JHY: variants seen among roughly 807,000 people sequenced by gnomAD.
JHY encodes junctional cadherin complex regulator, also known as jhy protein homolog.
JHY carries 69 observed loss-of-function variants against 78.0 expected under a neutral mutation model. That is an observed-to-expected ratio of 0.88 (90% CI 0.73 to 1.08). The LOEUF (loss-of-function observed/expected upper bound fraction) is 1.08. JHY is among the 50% of genes least tolerant of loss of function. The probability of loss-of-function intolerance (pLI) is 0.00; values close to 1 mark genes in which losing one functional copy is unlikely to be tolerated. For synonymous variants in JHY, 368 were observed against 342.6 expected (o/e 1.07, Z -0.82); for missense variants, 944 against 927.8 (o/e 1.02, Z -0.23).
rs1403977019 is a variant in JHY, at chr11:122,904,006, G to A, written c.426G>A (p.Leu142=). The A allele has an allele frequency of 6.2e-7, 1 of 1,614,046 alleles. No individual in the cohort carries two copies. The highest frequency in any genetic ancestry group is 8.5e-7 in the Non-Finnish European group (1 of 1,180,018). ...WKSKKEEGQL[L]SVEALPESTD... is the part of the protein sequence containing the mutation. The stretch of plus-strand genomic sequence containing the variant: ...GTAAGAAGGAGGAAGGGCAGCTGCT[G>A]TCTGTGGAAGCGTTGCCGGAGTCCA... Residue 142 remains leucine, a synonymous_variant, in exon 3 of 9, where the codon CTG becomes CTA. Transcript: ENST00000227349.
Position 122,946,646 on chromosome 11 carries a change from C to T in JHY, c.1783C>T (p.Pro595Ser), listed in dbSNP as rs949802115. 5.6e-6 allele frequency: 9 copies of T among 1,614,058 alleles called. No individual in the cohort carries two copies. The highest frequency in any genetic ancestry group is 6.8e-6 in the Non-Finnish European group (8 of 1,180,006). ...GGCCTTATCCAGCGTCACGCTTCCA[C>T]CTATACTGTCAAGGGTAGAAAGTGA... The part of the protein sequence containing the change: ...EGALSSVTLP[P>S]ILSRVESESQ... Residue 595 changes from proline to serine, a missense_variant, in exon 6 of 9, where the codon CCT (proline) becomes TCT (serine). Physicochemically the swap from Pro to Ser is moderately conservative, Grantham distance 74. Coordinates refer to ENST00000227349, the MANE Select transcript of JHY (RefSeq NM_024806.4).
At chr11:122,897,880 A>C (rs1003022187) in intron 2 of JHY, among the ~76,000 whole-genome samples, 3 of 152,198 alleles carry the variant, frequency 2.0e-5, no homozygotes, top group Admixed American at 6.5e-5. Flanking sequence ...ATTTCCTTAA[A>C]CTGAAGACTA....
rs1383217407 is a variant in JHY, at chr11:122,961,358, G to T, written c.*1913G>T. Among the ~76,000 whole-genome samples, 1 of 151,326 alleles carries T rather than the reference G, an allele frequency of 6.6e-6. No individual in the cohort carries two copies. The highest frequency in any genetic ancestry group is 6.6e-5 in the Admixed American group (1 of 15,152). ...TGTTGTTGTTTTTAGACAGACTCTC[G>T]CTCTGTCACCCAGGCTGGAGTGCAG... On this transcript the variant is annotated 3_prime_UTR_variant, in exon 9 of 9. Coordinates refer to ENST00000227349, the MANE Select transcript of JHY (RefSeq NM_024806.4).
chr11:122,905,556 G>A, intron 3 of JHY: 1 of 1,059,998 alleles, frequency 9.4e-7, no homozygotes, highest in Non-Finnish European at 1.1e-6. Context: ...TTTCTTCAGA[G>A]ACTCCCTTTT....
intron 2 of JHY, among the ~76,000 whole-genome samples, chr11:122,887,692 G>C (rs531579649): frequency 6.6e-6 from 1 of 152,060 alleles, no homozygotes; most frequent in Admixed American, 6.5e-5. Flanking sequence ...AACTTGGACA[G>C]GGTCTTGAAA....
At chr11:122,957,314 A>C in intron 7 of JHY, 49 bp from the exon 8 acceptor site, 1 of 1,490,450 alleles carries the variant, frequency 6.7e-7, no homozygotes, top group Non-Finnish European at 8.8e-7. Context: ...TAGAGAGCAG[A>C]GAGAACTAGC....
rs775966633 is a variant in JHY at position 122,934,942 on chromosome 11, A to G, written c.1501A>G (p.Lys501Glu). Residue 501 changes from lysine to glutamate, a missense_variant, in exon 5 of 9, where the codon AAG becomes GAG. By Grantham distance (56) the Lys-to-Glu change is moderately conservative. Transcript: ENST00000227349. ...MDLNNLNELS[K>E]RHVLLSQKGS... ...TTTGAACAACCTTAATGAACTTTCT[A>G]AGAGACACGTGCTCCTGAGCCAGAA... is the stretch of plus-strand genomic sequence containing the variant. The G allele has an allele frequency of 2.2e-5, 36 of 1,614,046 alleles. No individual in the cohort carries two copies. In the Middle Eastern group the frequency reaches 4.9e-4, roughly 22 times the overall value.
intron 4 of JHY, among the ~76,000 whole-genome samples, chr11:122,931,028 A>G (rs1437499133): frequency 6.6e-6 from 1 of 152,128 alleles, no homozygotes; most frequent in African/African-American, 2.4e-5. Flanking sequence ...GAGGGGGGGA[A>G]TGAGCTTCCT....
intron 5 of JHY, among the ~76,000 whole-genome samples, chr11:122,939,672 C>G (rs1335018911): frequency 6.6e-6 from 1 of 152,124 alleles, no homozygotes; most frequent in African/African-American, 2.4e-5. Flanking sequence ...CTAGTAAAAA[C>G]TTGGGGGAAA....
Position 122,886,051 on chromosome 11 carries a change from G to A in JHY, c.202G>A (p.Gly68Ser), listed in dbSNP as rs752861814. 18 of 1,613,978 alleles carry A rather than the reference G, an allele frequency of 1.1e-5. No homozygotes were observed. The East Asian group carries it at 1.8e-4, about 16-fold the overall frequency. The change falls in exon 2 of 9, where the codon GGT (glycine) becomes AGT (serine). Residue 68 changes from glycine (G) to serine (S), a missense_variant. Gly to Ser is a moderately conservative substitution (Grantham distance 56). Coordinates refer to ENST00000227349, the MANE Select transcript of JHY (RefSeq NM_024806.4). ...SEFDDRIRGNGMEPDSLDEEE... is the reference protein window; with the variant it reads ...SEFDDRIRGNSMEPDSLDEEE... The stretch of plus-strand genomic sequence containing the variant: ...GTTTGATGATCGAATCCGGGGCAAC[G>A]GTATGGAGCCCGACAGCTTAGACGA...
chr11:122,963,789 C>T lies in JHY; in HGVS notation c.*4344C>T, dbSNP rs1034567872. On this transcript the variant is annotated 3_prime_UTR_variant, in exon 9 of 9. Transcript: ENST00000227349. Reference sequence around the variant, plus strand: ...CCTGTATTTGACTAGATGTTATATACATGCCATTGAAAGACATAGTACCTA... The same window carrying T: ...CCTGTATTTGACTAGATGTTATATATATGCCATTGAAAGACATAGTACCTA... 6.6e-6 allele frequency among the ~76,000 whole-genome samples: 1 copy of T among 152,146 alleles called. No individual in the cohort carries two copies. The highest frequency in any genetic ancestry group is 1.5e-5 in the Non-Finnish European group (1 of 67,998).
intron 5 of JHY, among the ~76,000 whole-genome samples, chr11:122,939,541 G>A (rs990137380): frequency 2.6e-5 from 4 of 152,034 alleles, no homozygotes; most frequent in East Asian, 1.9e-4. Flanking sequence ...CTTTATCTTC[G>A]TGGGTTGATG....
rs1864332749 is a variant in JHY at position 122,962,316 on chromosome 11, C to T, written c.*2871C>T. Among the ~76,000 whole-genome samples the T allele has an allele frequency of 6.6e-6, 1 of 152,048 alleles. No individual in the cohort carries two copies. Among genetic ancestry groups the T allele is most frequent in the South Asian group, 2.1e-4 (1 of 4,830 alleles). On this transcript the variant is annotated 3_prime_UTR_variant, in exon 9 of 9. Coordinates refer to ENST00000227349, the MANE Select transcript of JHY (RefSeq NM_024806.4). Reference sequence around the variant, plus strand: ...AAGGACTAGCTTTGGAAATGTACTCCTATGTTGTATACATTTTACATATAC... The same window carrying T: ...AAGGACTAGCTTTGGAAATGTACTCTTATGTTGTATACATTTTACATATAC...
chr11:122,887,511 C>T (rs745730588), intron 2 of JHY, among the ~76,000 whole-genome samples: 7 of 152,112 alleles, frequency 4.6e-5, no homozygotes, highest in Middle Eastern at 3.4e-3. Flanking sequence ...TTAGTAGAGA[C>T]GGGGTTTCAC....
chr11:122,938,511 T>C (rs1304750511), intron 5 of JHY, among the ~76,000 whole-genome samples: 1 of 152,218 alleles, frequency 6.6e-6, no homozygotes, highest in African/African-American at 2.4e-5. Flanking sequence ...TCTTAGATTT[T>C]CAACAAGGCA....
chr11:122,889,445 G>A (rs1670255760), intron 2 of JHY, among the ~76,000 whole-genome samples: 1 of 152,046 alleles, frequency 6.6e-6, no homozygotes, highest in African/African-American at 2.4e-5. Flanking sequence ...CTTTATTCCA[G>A]AACAATATAA....
rs564155610 is a variant in JHY at position 122,951,108 on chromosome 11, A to G, written c.1929+4316A>G. On this transcript the variant is annotated intron_variant, in intron 6 of 8. Coordinates refer to ENST00000227349, the MANE Select transcript of JHY (RefSeq NM_024806.4). ...TCCAGGTCATGGCCATTTGCTGGTC[A>G]CGTCAAATCTTTTGGTTTCCAAGAG... 3.9e-5 allele frequency among the ~76,000 whole-genome samples: 6 copies of G among 152,328 alleles called. No homozygotes were observed. In the South Asian group the frequency reaches 1.2e-3, roughly 32 times the overall value.
At chr11:122,932,717 T>C (rs941654372) in intron 4 of JHY, among the ~76,000 whole-genome samples, 4 of 152,176 alleles carry the variant, frequency 2.6e-5, no homozygotes, top group African/African-American at 2.4e-5. Flanking sequence ...ACCACACCTA[T>C]AATATTGTAA....
At chr11:122,929,532 A>G (rs1363058091) in intron 4 of JHY, among the ~76,000 whole-genome samples, 1 of 152,116 alleles carries the variant, frequency 6.6e-6, no homozygotes, top group Non-Finnish European at 1.5e-5. Flanking sequence ...AAAAGTTGAC[A>G]TAGTTGGTAA....
Sources: gnomAD v4.1 joint callset for allele counts (sites outside exome capture counted in the v4.1 genomes callset) on GRCh38, gnomAD v4.1.1 for gene constraint, MANE v1.5 for transcripts, NCBI Gene and HGNC (gene_info 2026-07-23, HGNC 2026-07-21) for gene names.